Variants in RSU1 observed in about 807,000 individuals in gnomAD.
RSU1 encodes Ras suppressor protein 1, also known as rsu-1.
A neutral mutation model predicts 31.1 loss-of-function variants in RSU1; 26 were observed. The observed-to-expected ratio is 0.84, with a 90% CI of 0.61 to 1.16. The LOEUF is 1.16. Ranked by LOEUF, RSU1 falls within the 50% of genes most tolerant of loss-of-function variation. RSU1 has a pLI of 0.00. For synonymous variants in RSU1, 164 were observed against 136.3 expected (o/e 1.20, Z -1.41); for missense variants, 320 against 339.1 (o/e 0.94, Z 0.44).
chr10:16,652,412 A>C (rs1025805456), intron 8 of RSU1, among the ~76,000 whole-genome samples: 12 of 144,762 alleles, frequency 8.3e-5, no homozygotes, highest in Admixed American at 1.4e-4. Context: ...AAAAAAAAAA[A>C]CCCGAGAATC....
chr10:16,595,784 T>C (rs1009236128), intron 8 of RSU1, among the ~76,000 whole-genome samples: 4 of 151,738 alleles, frequency 2.6e-5, no homozygotes, highest in Admixed American at 6.5e-5. Flanking sequence ...CTGGCCAACA[T>C]GGTGAAACCC....
intron 8 of RSU1, among the ~76,000 whole-genome samples, chr10:16,624,749 C>T (rs937877008): frequency 6.6e-6 from 1 of 152,170 alleles, no homozygotes; most frequent in South Asian, 2.1e-4. Flanking sequence ...AAGGCAAAGA[C>T]AGAATCTTAC....
At chr10:16,598,341 C>G (rs949631655) in intron 8 of RSU1, among the ~76,000 whole-genome samples, 1 of 151,848 alleles carries the variant, frequency 6.6e-6, no homozygotes, top group South Asian at 2.1e-4. Context: ...GCGTTCACGA[C>G]CAGCCTGGGC....
intron 4 of RSU1, 27 bp downstream of exon 4, chr10:16,764,363 C>T (rs1385679554): frequency 2.5e-6 from 4 of 1,598,232 alleles, no homozygotes; most frequent in African/African-American, 1.3e-5. Flanking sequence ...TCTTCCTCTC[C>T]ATCCTTTCCG....
At chr10:16,810,187 C>T (rs945353060) in intron 2 of RSU1, among the ~76,000 whole-genome samples, 3 of 151,932 alleles carry the variant, frequency 2.0e-5, no homozygotes, top group East Asian at 1.9e-4. Context: ...GCCAAGATCG[C>T]GCCACTGCAC....
chr10:16,604,825 C>T (rs983978384), intron 8 of RSU1, among the ~76,000 whole-genome samples: 3 of 152,178 alleles, frequency 2.0e-5, no homozygotes, highest in African/African-American at 7.2e-5. Flanking sequence ...AACTGGTTTA[C>T]ACACAAGCAC....
chr10:16,675,222 G>GA (rs910696166), intron 8 of RSU1, among the ~76,000 whole-genome samples: 37 of 140,972 alleles, frequency 2.6e-4, no homozygotes, highest in African/African-American at 6.7e-4. Context: ...AAAAAAGAAA[G>GA]AAAAAAAAGT....
At chr10:16,679,025 T>C (rs1835279962) in intron 8 of RSU1, among the ~76,000 whole-genome samples, 1 of 152,120 alleles carries the variant, frequency 6.6e-6, no homozygotes, top group Non-Finnish European at 1.5e-5. Flanking sequence ...AAGAGTAATG[T>C]GGTAAAAAGA....
intron 2 of RSU1, among the ~76,000 whole-genome samples, chr10:16,800,869 G>A (rs1398920795): frequency 1.3e-5 from 2 of 149,938 alleles, no homozygotes; most frequent in Non-Finnish European, 3.0e-5. Context: ...CATTTGCTGA[G>A]AAAAGAGAAA....
At chr10:16,785,349 T>C (rs1837752165) in intron 2 of RSU1, among the ~76,000 whole-genome samples, 1 of 151,456 alleles carries the variant, frequency 6.6e-6, no homozygotes, top group Admixed American at 6.6e-5. Context: ...TTGCAGGACC[T>C]TGTGGTAGTG....
At chr10:16,664,884 C>T (rs1834959445) in intron 8 of RSU1, among the ~76,000 whole-genome samples, 1 of 152,186 alleles carries the variant, frequency 6.6e-6, no homozygotes, top group Admixed American at 6.5e-5. Flanking sequence ...ATTATTAACA[C>T]TGACAGCACC....
intron 7 of RSU1, among the ~76,000 whole-genome samples, chr10:16,740,760 A>C (rs1246874908): frequency 6.6e-6 from 1 of 152,240 alleles, no homozygotes; most frequent in African/African-American, 2.4e-5. Context: ...ATTTAGCAAA[A>C]GTATCAAAAA....
intron 8 of RSU1, among the ~76,000 whole-genome samples, chr10:16,649,420 T>C (rs1320753761): frequency 6.6e-6 from 1 of 152,160 alleles, no homozygotes; most frequent in Non-Finnish European, 1.5e-5. Context: ...AAGAGAAATA[T>C]TGTACCTGAC....
intron 3 of RSU1, among the ~76,000 whole-genome samples, chr10:16,770,262 C>G (rs1235772096): frequency 6.6e-6 from 1 of 151,670 alleles, no homozygotes; most frequent in African/African-American, 2.4e-5. Flanking sequence ...AACATAAGGA[C>G]AGGAGCTCTG....
chr10:16,678,719 C>T (rs887522272), intron 8 of RSU1, among the ~76,000 whole-genome samples: 2 of 152,086 alleles, frequency 1.3e-5, no homozygotes, highest in Admixed American at 1.3e-4. Flanking sequence ...ATAGGTACCA[C>T]AGGATAAAGA....
chr10:16,692,496 A>G (rs1183154334), intron 8 of RSU1, among the ~76,000 whole-genome samples: 2 of 152,200 alleles, frequency 1.3e-5, no homozygotes, highest in Non-Finnish European at 1.5e-5. Context: ...GAGTTTGTTC[A>G]TGCATTTTTC....
At chr10:16,601,398 T>C (rs1224180808) in intron 8 of RSU1, among the ~76,000 whole-genome samples, 1 of 152,250 alleles carries the variant, frequency 6.6e-6, no homozygotes, top group Non-Finnish European at 1.5e-5. Flanking sequence ...TATATGTATA[T>C]TTCGGCAGAA....
intron 2 of RSU1, among the ~76,000 whole-genome samples, chr10:16,808,447 C>T (rs754219413): frequency 3.5e-5 from 5 of 144,520 alleles, no homozygotes; most frequent in Non-Finnish European, 6.0e-5. Context: ...CATGCCACTG[C>T]ACTCTAGCCT....
chr10:16,733,598 A>T lies in RSU1; in HGVS notation c.598+18941T>A, dbSNP rs573316620. ...AGTAGTGATCAGCGAAAACTCTCATAGTCTGAAGCAACAGAAAGCTGTAAT... is the reference window on the plus strand; with the variant it reads ...AGTAGTGATCAGCGAAAACTCTCATTGTCTGAAGCAACAGAAAGCTGTAAT... On this transcript the variant is annotated intron_variant, in intron 7 of 8. Coordinates refer to ENST00000345264, the MANE Select transcript of RSU1 (RefSeq NM_012425.4). Among the ~76,000 whole-genome samples the T allele has an allele frequency of 4.6e-5, 7 of 152,322 alleles. No homozygotes were observed. In the South Asian group the frequency reaches 1.0e-3, roughly 23 times the overall value.
Sources: gnomAD v4.1 joint callset for allele counts (sites outside exome capture counted in the v4.1 genomes callset) on GRCh38, gnomAD v4.1.1 for gene constraint, MANE v1.5 for transcripts, NCBI Gene and HGNC (gene_info 2026-07-23, HGNC 2026-07-21) for gene names.